Variants in USP25 observed in about 807,000 individuals in gnomAD.
USP25 encodes the protein ubiquitin specific peptidase 25, also known as ubiquitin carboxyl-terminal hydrolase 25.
USP25 carries 85 observed loss-of-function variants against 158.5 expected under a neutral mutation model. The ratio of observed to expected loss-of-function variants is 0.54; its 90% CI spans 0.45 to 0.64. The LOEUF is 0.64. USP25 is among the 30% of genes least tolerant of loss of function. The pLI is 0.00. For synonymous variants in USP25, 464 were observed against 460.4 expected (o/e 1.01, Z -0.10); for missense variants, 1,242 against 1,327.3 (o/e 0.94, Z 1.00).
chr21:15,777,759 A>C, intron 3 of USP25, 145 bp from the exon 4 acceptor site: 2 of 670,496 alleles, frequency 3.0e-6, no homozygotes, highest in Non-Finnish European at 4.5e-6. Flanking sequence ...ATATGTTTGC[A>C]TTTATTTTTA....
intron 6 of USP25, 103 bp downstream of exon 6, chr21:15,799,946 T>A: frequency 1.8e-6 from 1 of 559,936 alleles, no homozygotes; most frequent in Non-Finnish European, 2.9e-6. Context: ...TCTGAAACTG[T>A]CAATTTGAAT....
intron 6 of USP25, 39 bp downstream of exon 6, chr21:15,799,882 C>G (rs770485216): frequency 3.6e-5 from 49 of 1,371,384 alleles, no homozygotes; most frequent in Non-Finnish European, 4.8e-5. Context: ...TATATATACT[C>G]TATATGTTCT....
At chr21:15,746,556 G>T (rs989129279) in intron 1 of USP25, among the ~76,000 whole-genome samples, 2 of 151,804 alleles carry the variant, frequency 1.3e-5, no homozygotes, top group African/African-American at 4.8e-5. Flanking sequence ...CACCACACCC[G>T]GCTAATTTTT....
chr21:15,836,262 C>T (rs2038059464), intron 17 of USP25, among the ~76,000 whole-genome samples: 1 of 152,112 alleles, frequency 6.6e-6, no homozygotes, highest in African/African-American at 2.4e-5. Context: ...GAGTGATATT[C>T]CAATTAAGAG....
intron 20 of USP25, among the ~76,000 whole-genome samples, chr21:15,860,975 T>TAG (rs1555862138): frequency 0.026 from 3,680 of 140,578 alleles, 72 homozygotes; most frequent in Admixed American, 0.037. Flanking sequence ...TATATATATA[T>TAG]AGAGAGAGAG....
intron 4 of USP25, among the ~76,000 whole-genome samples, chr21:15,786,434 A>G (rs965250955): frequency 6.6e-5 from 10 of 152,260 alleles, no homozygotes; most frequent in Middle Eastern, 3.4e-3. Flanking sequence ...ATCATCCACT[A>G]TGATCGAGAT....
intron 16 of USP25, among the ~76,000 whole-genome samples, chr21:15,832,203 A>G (rs2146393715): frequency 6.6e-6 from 1 of 152,290 alleles, no homozygotes; most frequent in Admixed American, 6.5e-5. Flanking sequence ...CTGTCCTGGC[A>G]TCTGTCTACT....
intron 9 of USP25, among the ~76,000 whole-genome samples, chr21:15,815,550 T>G (rs987635077): frequency 1.3e-5 from 2 of 152,164 alleles, no homozygotes; most frequent in Admixed American, 6.5e-5. Context: ...ACCTACCTCT[T>G]GCATCAGTGT....
At chr21:15,862,570 C>T (rs1011736855) in intron 20 of USP25, among the ~76,000 whole-genome samples, 52 of 144,170 alleles carry the variant, frequency 3.6e-4, no homozygotes, top group Admixed American at 1.3e-3. Flanking sequence ...CCCCCTTCCC[C>T]GTTTTTTTTT....
intron 23 of USP25, among the ~76,000 whole-genome samples, chr21:15,870,990 G>C (rs953533477): frequency 2.6e-5 from 4 of 152,170 alleles, no homozygotes; most frequent in African/African-American, 9.7e-5. Flanking sequence ...CACCGGCCAC[G>C]TTTCAGTAGT....
intron 3 of USP25, among the ~76,000 whole-genome samples, chr21:15,769,229 A>G (rs532959070): frequency 9.2e-5 from 14 of 152,194 alleles, no homozygotes; most frequent in African/African-American, 1.7e-4. Flanking sequence ...TATATTTTCA[A>G]TAGTTAGTAG....
rs756067288 is a variant in USP25 at position 15,847,757 on chromosome 21, AG to A, written c.2439del (p.Tyr814MetfsTer6). 59 of 1,549,166 alleles carry A rather than the reference AG, an allele frequency of 3.8e-5. No homozygotes were observed. The highest frequency in any genetic ancestry group is 2.4e-4 in the East Asian group (10 of 40,886). On this transcript the variant is annotated frameshift_variant, in exon 19 of 26. Transcript: ENST00000400183. LOFTEE classifies it high-confidence loss of function. ...HVGKFMIESK[E>X]GGYDDEIMMT... ...GGGAAATTTATGATTGAATCAAAGG[AG>A]GGGGGGTATGATGACGAGGTACCTT...
chr21:15,767,975 A>T (rs962285350), intron 3 of USP25, among the ~76,000 whole-genome samples: 14 of 152,206 alleles, frequency 9.2e-5, no homozygotes, highest in African/African-American at 2.6e-4. Context: ...ACAAAAAAAA[A>T]TTTTGAATAG....
At chr21:15,862,478 A>G (rs530563006) in intron 20 of USP25, among the ~76,000 whole-genome samples, 147 of 152,136 alleles carry the variant, frequency 9.7e-4, no homozygotes, top group Middle Eastern at 3.4e-3. Flanking sequence ...GAAGGTTCAT[A>G]TCAACAAGAA....
At chr21:15,811,244 AAG>A in intron 9 of USP25, 34 bp downstream of exon 9, 1 of 1,535,532 alleles carries the variant, frequency 6.5e-7, no homozygotes, top group Non-Finnish European at 8.9e-7. Context: ...ATTGCAAGTG[AAG>A]AGAGATTATT....
At chr21:15,851,811 C>T (rs1370907582) in intron 20 of USP25, among the ~76,000 whole-genome samples, 1 of 152,022 alleles carries the variant, frequency 6.6e-6, no homozygotes, top group Admixed American at 6.6e-5. Flanking sequence ...CTGCCCCAAT[C>T]TGTATTGGTT....
intron 1 of USP25, among the ~76,000 whole-genome samples, chr21:15,744,475 G>A (rs1232206115): frequency 6.6e-5 from 10 of 151,890 alleles, no homozygotes; most frequent in Admixed American, 1.3e-4. Context: ...ACAGGTACAC[G>A]CCACCAGGCC....
chr21:15,783,211 A>G (rs2035067427), intron 4 of USP25, among the ~76,000 whole-genome samples: 1 of 140,876 alleles, frequency 7.1e-6, no homozygotes, highest in South Asian at 2.5e-4. Context: ...AGAAGAAGAA[A>G]AAAAAAAAAG....
At chr21:15,807,220 A>G (rs2036435498) in intron 7 of USP25, among the ~76,000 whole-genome samples, 1 of 152,200 alleles carries the variant, frequency 6.6e-6, no homozygotes, top group African/African-American at 2.4e-5. Context: ...GAGCCACCAC[A>G]CTTGGCCCCA....
Sources: allele counts gnomAD v4.1 joint callset (sites outside exome capture counted in the v4.1 genomes callset), GRCh38; gene constraint gnomAD v4.1.1; transcripts MANE v1.5; gene names NCBI Gene and HGNC (gene_info 2026-07-23, HGNC 2026-07-21).